The following HSF2BP variants were observed in gnomAD, a reference collection of about 807,000 sequenced individuals.
The protein encoded by HSF2BP is heat shock transcription factor 2 binding protein, also known as heat shock factor 2-binding protein.
Under a neutral mutation model 35.0 loss-of-function variants are expected in HSF2BP, and 35 were observed. That is an observed-to-expected ratio of 1.00 (90% CI 0.76 to 1.32). The LOEUF (loss-of-function observed/expected upper bound fraction) is 1.32, where lower values mean the gene tolerates loss of function less well. Ranked by LOEUF, HSF2BP falls within the 40% of genes most tolerant of loss-of-function variation. The probability of loss-of-function intolerance (pLI) is 0.00; values close to 1 mark genes in which losing one functional copy is unlikely to be tolerated. For missense variants in HSF2BP, 326 were observed against 321.7 expected, an observed-to-expected ratio of 1.01 and a Z score of -0.10; for synonymous variants, 114 against 117.4, an observed-to-expected ratio of 0.97 and a Z score of 0.18.
intron 7 of HSF2BP, 44 bp downstream of exon 7, chr21:43,613,786 T>C: frequency 7.7e-7 from 1 of 1,305,424 alleles, no homozygotes; most frequent in Non-Finnish European, 1.1e-6. Flanking sequence ...CACAGTCTAA[T>C]TAATATGTAA....
At chr21:43,617,717 G>T (rs2082287278) in intron 6 of HSF2BP, among the ~76,000 whole-genome samples, 1 of 151,988 alleles carries the variant, frequency 6.6e-6, no homozygotes, top group Non-Finnish European at 1.5e-5. Flanking sequence ...ACTTTCAGAG[G>T]CCAAGGCGGG....
chr21:43,595,168 A>T (rs1413536313), intron 7 of HSF2BP, among the ~76,000 whole-genome samples: 2 of 152,220 alleles, frequency 1.3e-5, no homozygotes, highest in Non-Finnish European at 2.9e-5. Context: ...AGGCTGAGGC[A>T]GGAGAATCTC....
At chr21:43,628,074 A>T (rs2082411095) in intron 6 of HSF2BP, among the ~76,000 whole-genome samples, 1 of 152,160 alleles carries the variant, frequency 6.6e-6, no homozygotes, top group Non-Finnish European at 1.5e-5. Flanking sequence ...CTCTCCTAGG[A>T]ACTTGCTATT....
intron 3 of HSF2BP, among the ~76,000 whole-genome samples, chr21:43,652,201 G>T (rs2082796352): frequency 6.6e-6 from 1 of 151,874 alleles, no homozygotes; most frequent in Admixed American, 6.6e-5. Flanking sequence ...TCAGGAGATC[G>T]AGACCAGCGT....
the HSF2BP span, among the ~76,000 whole-genome samples, chr21:43,458,205 A>G: frequency 1.6e-5 from 1 of 61,346 alleles, no homozygotes; most frequent in Non-Finnish European, 3.2e-5. Context: ...CTCAACCACC[A>G]CAAAGCTGCC....
chr21:43,656,064 G>C (rs2082863654), intron 3 of HSF2BP, among the ~76,000 whole-genome samples: 1 of 152,140 alleles, frequency 6.6e-6, no homozygotes, highest in Non-Finnish European at 1.5e-5. Flanking sequence ...AGTATGTCCA[G>C]GAACTTCAAT....
rs962624088 is a variant in HSF2BP at position 43,610,470 on chromosome 21, G to A, written c.692+3360C>T. On this transcript the variant is annotated intron_variant, in intron 7 of 8. Transcript: ENST00000291560. ...AAAAAAATTAGCTGCGCATGGTGGC[G>A]TGCAGAGTAGCTGGGACCCCAGTTA... 8.6e-5 allele frequency among the ~76,000 whole-genome samples: 13 copies of A among 150,880 alleles called. No individual in the cohort carries two copies. The East Asian group carries it at 1.2e-3, about 14-fold the overall frequency.
chr21:43,604,637 GCA>G (rs1318952078), intron 7 of HSF2BP, among the ~76,000 whole-genome samples: 1 of 100,564 alleles, frequency 9.9e-6, no homozygotes, highest in Non-Finnish European at 2.0e-5. Context: ...CAATCATACA[GCA>G]CACACACCAC....
chr21:43,468,067 C>A, the HSF2BP span, among the ~76,000 whole-genome samples: 1 of 140,566 alleles, frequency 7.1e-6, no homozygotes, highest in Non-Finnish European at 1.6e-5. Flanking sequence ...ACACACCATA[C>A]CACAAACCAC....
chr21:43,636,902 A>C (rs2082568537), intron 4 of HSF2BP, among the ~76,000 whole-genome samples: 2 of 151,422 alleles, frequency 1.3e-5, no homozygotes, highest in South Asian at 2.1e-4. Context: ...AACAAAAAAA[A>C]AAAAAAAAAA....
chr21:43,658,582 C>T (rs117359306), intron 1 of HSF2BP, among the ~76,000 whole-genome samples: 3,014 of 152,336 alleles, frequency 0.02, 63 homozygotes, highest in Non-Finnish European at 0.028. Context: ...ACCCCCGCTA[C>T]GTGTGGAGTG....
chr21:43,637,597 A>G (rs73367844), intron 4 of HSF2BP, among the ~76,000 whole-genome samples: 1,654 of 152,028 alleles, frequency 0.011, 30 homozygotes, highest in African/African-American at 0.037. Flanking sequence ...GACAAGAGAG[A>G]GAACTTGGAG....
At chr21:43,646,831 C>T (rs759872842) in intron 3 of HSF2BP, among the ~76,000 whole-genome samples, 1 of 152,202 alleles carries the variant, frequency 6.6e-6, no homozygotes, top group Non-Finnish European at 1.5e-5. Context: ...CTGTATGAGG[C>T]CGCCACCTTG....
chr21:43,628,398 A>T (rs546721617), intron 6 of HSF2BP, among the ~76,000 whole-genome samples: 1 of 152,354 alleles, frequency 6.6e-6, no homozygotes, highest in African/African-American at 2.4e-5. Flanking sequence ...GAAGATCAAA[A>T]ATCATCAAAA....
chr21:43,467,639 G>T, the HSF2BP span, among the ~76,000 whole-genome samples: 1 of 151,606 alleles, frequency 6.6e-6, no homozygotes, highest in Non-Finnish European at 1.5e-5. Context: ...AGGGGCCGGG[G>T]TCTGAGCCCT....
In HSF2BP at chr21:43,586,451, AT is replaced by A. The variant is rs775081245; in HGVS notation, c.796+5773del. 2.9e-3 allele frequency among the ~76,000 whole-genome samples: 431 copies of A among 151,058 alleles called. 2 individuals carry two copies. The highest frequency in any genetic ancestry group is 4.8e-3 in the Non-Finnish European group (327 of 67,652). On this transcript the variant is annotated intron_variant, in intron 8 of 8. Coordinates refer to ENST00000291560, the MANE Select transcript of HSF2BP (RefSeq NM_007031.2). ...AAATGAGTTTTCATTGCAGCATGAG[AT>A]TTTTTTTTTCATTTCAAGTCTTTTA...
At chr21:43,643,285 T>G (rs1487300498) in intron 4 of HSF2BP, among the ~76,000 whole-genome samples, 28 of 152,156 alleles carry the variant, frequency 1.8e-4, no homozygotes, top group Non-Finnish European at 8.8e-5. Context: ...TCCGAGACTC[T>G]CATCGCTATG....
Position 43,631,757 on chromosome 21 carries a change from T to A in HSF2BP, c.442-1303A>T, listed in dbSNP as rs543741287. ...GTGTCAACTGACCTACTCACTGTCC[T>A]AAAACAAACCCACCCATTTTCTGCC... is the stretch of plus-strand genomic sequence containing the variant. On this transcript the variant is annotated intron_variant, in intron 5 of 8. Transcript: ENST00000291560. Among the ~76,000 whole-genome samples, 21 of 152,244 alleles carry A rather than the reference T, an allele frequency of 1.4e-4. No individual in the cohort carries two copies. The South Asian group carries it at 4.4e-3, about 32-fold the overall frequency.
chr21:43,635,643 G>A (rs946962723), intron 4 of HSF2BP, among the ~76,000 whole-genome samples: 3 of 152,142 alleles, frequency 2.0e-5, no homozygotes, highest in Non-Finnish European at 4.4e-5. Flanking sequence ...AGGGCCGGGT[G>A]CGGTGGCTCA....
Sources: allele counts gnomAD v4.1 joint callset (sites outside exome capture counted in the v4.1 genomes callset), GRCh38; gene constraint gnomAD v4.1.1; transcripts MANE v1.5; gene names NCBI Gene and HGNC (gene_info 2026-07-23, HGNC 2026-07-21).